The following TRIOBP variants were observed in gnomAD, a reference collection of about 807,000 sequenced individuals.
The protein encoded by TRIOBP is TRIO and F-actin-binding protein.
In TRIOBP, 169 loss-of-function variants were observed where a neutral mutation model predicts 238.8. The observed-to-expected ratio is 0.71, with a 90% CI of 0.62 to 0.80. The LOEUF (loss-of-function observed/expected upper bound fraction) is 0.80, where lower values mean the gene tolerates loss of function less well. Ranked by LOEUF, TRIOBP falls within the 30% of genes least tolerant of loss-of-function variation. The pLI, the probability that TRIOBP is intolerant of heterozygous loss-of-function variation, is 0.00. For missense variants in TRIOBP, 2,838 were observed against 3,122.6 expected (o/e 0.91, Z 2.17); for synonymous variants, 1,150 against 1,274.4 (o/e 0.90, Z 2.08).
At chr22:37,714,684 GTTGA>G (rs1294319770) in intron 5 of TRIOBP, among the ~76,000 whole-genome samples, 1 of 151,716 alleles carries the variant, frequency 6.6e-6, no homozygotes, top group Non-Finnish European at 1.5e-5. Context: ...AAAAAAAAAA[GTTGA>G]TTGATTGAGA....
At chr22:37,711,641 A>G (rs1203292921) in intron 4 of TRIOBP, among the ~76,000 whole-genome samples, 1 of 152,108 alleles carries the variant, frequency 6.6e-6, no homozygotes. Flanking sequence ...CGAAAAAAAA[A>G]ACAAAGACAG....
chr22:37,701,424 A>T lies in TRIOBP; in HGVS notation c.59A>T (p.Gln20Leu), dbSNP rs1459561616. 2.5e-6 allele frequency: 4 copies of T among 1,613,814 alleles called. No homozygotes were observed. In the African/African-American group the frequency reaches 5.3e-5, roughly 22 times the overall value. Residue 20 changes from glutamine to leucine, a missense_variant, in exon 3 of 24, where the codon CAG (glutamine) becomes CTG (leucine). By Grantham distance (113) the Gln-to-Leu change is moderately radical (BLOSUM62 -2). This residue lies in a region of TRIOBP where 535 missense variants were observed against 537.3 expected (regional missense o/e 1.00). Coordinates refer to ENST00000644935, the MANE Select transcript of TRIOBP (RefSeq NM_001039141.3). ...CACTTTGAGGCCAACATACTTACCCAGAACCGCTGTCAAAACTGCTTCCAC... is the reference window on the plus strand; with the variant it reads ...CACTTTGAGGCCAACATACTTACCCTGAACCGCTGTCAAAACTGCTTCCAC... ...CEHFEANILT[Q>L]NRCQNCFHPE...
chr22:37,751,019 A>G (rs1011722531), intron 11 of TRIOBP: 5 of 379,156 alleles, frequency 1.3e-5, no homozygotes, highest in African/African-American at 1.1e-4. Flanking sequence ...AGGTCTCCCC[A>G]GCAGGAAGGG....
chr22:37,720,332 A>G (rs1415177791), intron 6 of TRIOBP, among the ~76,000 whole-genome samples: 1 of 151,976 alleles, frequency 6.6e-6, no homozygotes, highest in East Asian at 1.9e-4. Flanking sequence ...CTACAATACT[A>G]TTAACTAAGC....
chr22:37,699,989 G>A (rs1397396745), intron 2 of TRIOBP, among the ~76,000 whole-genome samples: 6 of 151,106 alleles, frequency 4.0e-5, no homozygotes, highest in African/African-American at 7.3e-5. Context: ...AGCGATTCTC[G>A]TGCCTCAGCC....
chr22:37,730,783 C>A (rs567275723), intron 7 of TRIOBP, among the ~76,000 whole-genome samples: 1 of 152,026 alleles, frequency 6.6e-6, no homozygotes, highest in African/African-American at 2.4e-5. Context: ...CCCGTCTCTA[C>A]TAAAAATATA....
intron 6 of TRIOBP, among the ~76,000 whole-genome samples, chr22:37,719,815 T>C (rs1037134755): frequency 1.3e-5 from 2 of 151,958 alleles, no homozygotes; most frequent in African/African-American, 2.4e-5. Context: ...CCCTTCTGTC[T>C]TCTCCCTGCA....
chr22:37,746,312 G>GGGC lies in TRIOBP; in HGVS notation c.5322+5301_5322+5303dup, dbSNP rs953748818. The GGGC allele has an allele frequency of 4.6e-4, 517 of 1,128,750 alleles. 1 individual carries two copies. The highest frequency in any genetic ancestry group is 4.0e-3 in the East Asian group (87 of 21,888). 69.9% of individuals were successfully genotyped at this position (1,128,750 alleles called of 1,614,324 possible). ...AGGCGCGGCGGCGGGCGGCCGAGAG[G>GGGC]GGCGGCGGCGGCGGCGGCGGCGGGG... On this transcript the variant is annotated intron_variant, in intron 11 of 23. Transcript: ENST00000644935.
chr22:37,776,511 C>T lies in TRIOBP; in HGVS notation c.*2731C>T, dbSNP rs1376280894. On this transcript the variant is annotated 3_prime_UTR_variant, in exon 24 of 24. Coordinates refer to ENST00000644935, the MANE Select transcript of TRIOBP (RefSeq NM_001039141.3). Reference sequence around the variant, plus strand: ...TACTCACATCAGCAAATAAACAATACAGCTGTGTGTCAGTAGTAGAATGAA... The same window carrying T: ...TACTCACATCAGCAAATAAACAATATAGCTGTGTGTCAGTAGTAGAATGAA... The T allele has an allele frequency of 2.0e-5, 3 of 152,182 alleles. No homozygotes were observed. The highest frequency in any genetic ancestry group is 4.4e-5 in the Non-Finnish European group (3 of 68,030). 9.4% of individuals were successfully genotyped at this position (152,182 alleles called of 1,614,324 possible).
intron 3 of TRIOBP, among the ~76,000 whole-genome samples, chr22:37,708,428 G>A (rs1923064727): frequency 6.6e-6 from 1 of 152,012 alleles, no homozygotes. Flanking sequence ...TCGGGCACCT[G>A]TAATCACAGC....
At chr22:37,702,816 A>G (rs1159846693) in intron 3 of TRIOBP, among the ~76,000 whole-genome samples, 1 of 150,616 alleles carries the variant, frequency 6.6e-6, no homozygotes, top group Admixed American at 6.6e-5. Flanking sequence ...TGGCCAGCTA[A>G]TTTTCTTGTA....
Position 37,733,358 on chromosome 22 carries a change from C to T in TRIOBP, c.4008C>T (p.Ser1336=). The T allele has an allele frequency of 6.4e-7, 1 of 1,551,578 alleles. No homozygotes were observed. The highest frequency in any genetic ancestry group is 8.7e-7 in the Non-Finnish European group (1 of 1,147,456). The part of the protein sequence containing the change: ...AQDEGRSQQP[S]QGQSQLLRRQ... ...ACGAGGGACGGTCACAGCAGCCCAG[C>T]CAAGGCCAGAGCCAACTTCTCCGAA... The change falls in exon 8 of 24, where the codon AGC becomes AGT. Residue 1336 remains serine, a synonymous_variant. Transcript: ENST00000644935.
At chr22:37,772,812 C>G (rs377326071) in intron 23 of TRIOBP, 48 bp downstream of exon 23, 24 of 1,595,446 alleles carry the variant, frequency 1.5e-5, no homozygotes, top group Non-Finnish European at 1.9e-5. Flanking sequence ...GGCTGAGGCT[C>G]TCCCACACCC....
At chr22:37,702,474 G>A (rs1922702909) in intron 3 of TRIOBP, among the ~76,000 whole-genome samples, 1 of 152,100 alleles carries the variant, frequency 6.6e-6, no homozygotes, top group South Asian at 2.1e-4. Flanking sequence ...AAAGTGTTGG[G>A]ATTACAGGCG....
At chr22:37,749,270 G>A (rs565953778) in intron 11 of TRIOBP, among the ~76,000 whole-genome samples, 6 of 152,258 alleles carry the variant, frequency 3.9e-5, no homozygotes, top group South Asian at 2.1e-4. Flanking sequence ...CAGGAGAAAC[G>A]CTTCAACCCG....
intron 11 of TRIOBP, among the ~76,000 whole-genome samples, chr22:37,748,081 G>A (rs1374435785): frequency 2.6e-5 from 4 of 152,202 alleles, no homozygotes; most frequent in African/African-American, 7.2e-5. Flanking sequence ...GGGTGGTCAT[G>A]TTTGAGAAGT....
intron 12 of TRIOBP, 23 bp from the exon 13 acceptor site, chr22:37,754,854 C>G: frequency 6.2e-7 from 1 of 1,611,700 alleles, no homozygotes; most frequent in Non-Finnish European, 8.5e-7. Context: ...CACACTGGCT[C>G]TTTCATTCCA....
chr22:37,740,935 T>G lies in TRIOBP; in HGVS notation c.5225T>G (p.Leu1742Arg). 6.4e-7 allele frequency: 1 copy of G among 1,571,114 alleles called. No homozygotes were observed. ...GCAGAGGGCAAGGCTGGGAGCCCGC[T>G]CAAGGGCCGACTGGTGACCTCATGG... ...RPAEGKAGSP[L>R]KGRLVTSWRM... The change falls in exon 11 of 24, where the codon CTC (leucine) becomes CGC (arginine). Residue 1742 changes from leucine to arginine, a missense_variant. Coordinates refer to ENST00000644935, the MANE Select transcript of TRIOBP (RefSeq NM_001039141.3).
At chr22:37,705,372 TCAAAA>T (rs1303179805) in intron 3 of TRIOBP, among the ~76,000 whole-genome samples, 3 of 151,368 alleles carry the variant, frequency 2.0e-5, no homozygotes, top group Non-Finnish European at 2.9e-5. Context: ...GAGAATCCTC[TCAAAA>T]CAAAACAAAC....
Sources: gnomAD v4.1 joint callset for allele counts (sites outside exome capture counted in the v4.1 genomes callset) on GRCh38, gnomAD v4.1.1 for gene constraint, gnomAD v4.1.1 regional missense constraint, MANE v1.5 for transcripts, NCBI Gene and HGNC (gene_info 2026-07-23, HGNC 2026-07-21) for gene names.